OPN5: variants seen among roughly 807,000 people sequenced by gnomAD.
The protein encoded by OPN5 is opsin-5.
In OPN5, 18 loss-of-function variants were observed where a neutral mutation model predicts 41.7. The ratio of observed to expected loss-of-function variants is 0.43; its 90% CI spans 0.30 to 0.64. The LOEUF (loss-of-function observed/expected upper bound fraction) is 0.64. Among genes scored for constraint, OPN5 ranks in the 30% least tolerant of loss-of-function variants. The probability of loss-of-function intolerance (pLI) is 0.13; values close to 1 mark genes in which losing one functional copy is unlikely to be tolerated. For missense variants in OPN5, 318 were observed against 434.5 expected, an observed-to-expected ratio of 0.73 and a Z score of 2.38; for synonymous variants, 178 against 164.3, an observed-to-expected ratio of 1.08 and a Z score of -0.64.
chr6:47,789,898 ATT>A (rs5876034), intron 2 of OPN5, among the ~76,000 whole-genome samples: 7,829 of 143,688 alleles, frequency 0.054, 283 homozygotes, highest in Non-Finnish European at 0.075. Flanking sequence ...TTCCTCAGTA[ATT>A]TTTTTTTTTT....
intron 2 of OPN5, among the ~76,000 whole-genome samples, chr6:47,790,210 T>C (rs1338226752): frequency 6.6e-6 from 1 of 152,158 alleles, no homozygotes; most frequent in Non-Finnish European, 1.5e-5. Flanking sequence ...AAAATAAAAT[T>C]CCTAAACAAT....
At chr6:47,804,151 A>C (rs986141683) in intron 4 of OPN5, among the ~76,000 whole-genome samples, 1 of 152,174 alleles carries the variant, frequency 6.6e-6, no homozygotes, top group African/African-American at 2.4e-5. Context: ...CCTCTGTAGC[A>C]TGATGTACTT....
chr6:47,808,649 C>A (rs1774070888), intron 5 of OPN5, among the ~76,000 whole-genome samples: 1 of 152,040 alleles, frequency 6.6e-6, no homozygotes. Flanking sequence ...GAGATGTGTC[C>A]ATTTGAGCAA....
At chr6:47,789,686 G>A (rs575432070) in intron 2 of OPN5, among the ~76,000 whole-genome samples, 3 of 152,192 alleles carry the variant, frequency 2.0e-5, no homozygotes, top group Admixed American at 6.5e-5. Flanking sequence ...TGTCTAGATT[G>A]CAGAAGGCAT....
Position 47,786,363 on chromosome 6 carries a change from A to G in OPN5, c.131-152A>G, listed in dbSNP as rs1773191738. The stretch of plus-strand genomic sequence containing the variant: ...CTGTCACTCACAACTCATGCTTTTT[A>G]TTTCATCTTCTTAATTTAGATTTTT... On this transcript the variant is annotated intron_variant, in intron 1 of 6. Coordinates refer to ENST00000371211, the Ensembl canonical transcript of OPN5. The G allele has an allele frequency of 1.2e-5, 7 of 596,362 alleles. No homozygotes were observed. The South Asian group carries it at 1.4e-4, about 12-fold the overall frequency. 36.9% of individuals were successfully genotyped at this position (596,362 alleles called of 1,614,324 possible). A position where few individuals can be genotyped will look rare whatever the true frequency, so the allele number is the denominator to read the frequency against.
chr6:47,819,357 A>T lies in OPN5; in HGVS notation c.1057-4626A>T, dbSNP rs1433388497. 1.1e-3 allele frequency among the ~76,000 whole-genome samples: 108 copies of T among 98,404 alleles called. 3 individuals are homozygous for T. Among genetic ancestry groups the T allele is most frequent in the African/African-American group, 2.0e-3 (56 of 28,182 alleles). The allele number at this position is 98,404 out of a possible 152,430, so 64.6% of individuals were successfully genotyped here. A position where few individuals can be genotyped will look rare whatever the true frequency, so the allele number is the denominator to read the frequency against. On this transcript the variant is annotated intron_variant, in intron 6 of 6. Coordinates refer to ENST00000371211, the Ensembl canonical transcript of OPN5. Reference sequence around the variant, plus strand: ...TAGGAATATATATATATATATAAAAAATATATTACCGTATAAGTAGAAATA... The same window carrying T: ...TAGGAATATATATATATATATAAAATATATATTACCGTATAAGTAGAAATA...
chr6:47,792,979 TACG>T (rs1773430104), intron 3 of OPN5, among the ~76,000 whole-genome samples: 3 of 87,948 alleles, frequency 3.4e-5, no homozygotes, highest in African/African-American at 1.1e-4. Flanking sequence ...CATCCAGCAC[TACG>T]TTTTTTTTTT....
Position 47,809,430 on chromosome 6 carries a change from G to A in OPN5, c.998+1035G>A, listed in dbSNP as rs912867847. On this transcript the variant is annotated intron_variant, in intron 5 of 6. Coordinates refer to ENST00000371211, the Ensembl canonical transcript of OPN5. ...TTGGACTTTAGGTTCCTCACCACGG[G>A]TCAAATGAAAAGATGACAAAAAGGC... 2.0e-5 allele frequency among the ~76,000 whole-genome samples: 3 copies of A among 152,116 alleles called. No individual in the cohort carries two copies. The East Asian group carries it at 5.8e-4, about 29-fold the overall frequency.
At chr6:47,814,689 C>T (rs974812647) in intron 6 of OPN5, among the ~76,000 whole-genome samples, 17 of 152,106 alleles carry the variant, frequency 1.1e-4, no homozygotes, top group African/African-American at 4.1e-4. Context: ...GTGGGTTTTG[C>T]TTCCCCAGTG....
chr6:47,791,484 T>C (rs926773746), intron 2 of OPN5, among the ~76,000 whole-genome samples: 1 of 152,230 alleles, frequency 6.6e-6, no homozygotes, highest in Non-Finnish European at 1.5e-5. Context: ...ACTAGTATCA[T>C]GTCTGTAATT....
intron 6 of OPN5, among the ~76,000 whole-genome samples, chr6:47,821,414 A>G (rs1443370458): frequency 6.6e-6 from 1 of 152,214 alleles, no homozygotes. Context: ...AAAAAATTCT[A>G]GGAGGGTCTT....
At chr6:47,824,555 C>T (rs533690068) in exon 7 of OPN5, 1 of 152,670 alleles carries the variant, frequency 6.6e-6, no homozygotes, top group African/African-American at 2.4e-5. Flanking sequence ...GAGCACCTCT[C>T]AAGTTTTTCC....
chr6:47,784,109 C>T (rs1451856998), intron 1 of OPN5, among the ~76,000 whole-genome samples: 2 of 152,048 alleles, frequency 1.3e-5, no homozygotes, highest in Non-Finnish European at 2.9e-5. Flanking sequence ...AAAAGAGTCC[C>T]TGGACAGGGG....
chr6:47,809,598 A>G (rs971241605), intron 5 of OPN5, among the ~76,000 whole-genome samples: 1 of 152,234 alleles, frequency 6.6e-6, no homozygotes. Context: ...TTAACTACAT[A>G]GAGCCTAGAA....
chr6:47,805,858 G>A (rs1375138862), intron 4 of OPN5, among the ~76,000 whole-genome samples: 1 of 152,124 alleles, frequency 6.6e-6, no homozygotes, highest in African/African-American at 2.4e-5. Context: ...TTAAAGTTGG[G>A]GACGGGAGTA....
At chr6:47,816,307 A>G (rs1222517763) in intron 6 of OPN5, among the ~76,000 whole-genome samples, 1 of 152,134 alleles carries the variant, frequency 6.6e-6, no homozygotes, top group East Asian at 1.9e-4. Context: ...TTTTAGATGA[A>G]GACCTATAGG....
At chr6:47,802,039 T>G (rs1308996558) in intron 4 of OPN5, among the ~76,000 whole-genome samples, 1 of 152,254 alleles carries the variant, frequency 6.6e-6, no homozygotes, top group Non-Finnish European at 1.5e-5. Flanking sequence ...GAAAGCCTTC[T>G]GTATCTGAGG....
At chr6:47,807,377 G>A (rs1774010787) in intron 4 of OPN5, among the ~76,000 whole-genome samples, 2 of 152,164 alleles carry the variant, frequency 1.3e-5, no homozygotes, top group Non-Finnish European at 2.9e-5. Flanking sequence ...ATGATGCATA[G>A]GGGTCAGGCG....
At chr6:47,822,746 C>T (rs1762668194) in intron 6 of OPN5, among the ~76,000 whole-genome samples, 1 of 152,170 alleles carries the variant, frequency 6.6e-6, no homozygotes, top group East Asian at 1.9e-4. Context: ...GCCATGAGAG[C>T]TAATAAAAAT....
Sources: allele counts gnomAD v4.1 joint callset (sites outside exome capture counted in the v4.1 genomes callset), GRCh38; gene constraint gnomAD v4.1.1; transcripts MANE v1.5; gene names NCBI Gene and HGNC (gene_info 2026-07-23, HGNC 2026-07-21).